The following LPIN2 variants were observed in gnomAD, a reference collection of about 807,000 sequenced individuals.
LPIN2 encodes the protein phosphatidate phosphatase LPIN2.
Under a neutral mutation model 111.4 loss-of-function variants are expected in LPIN2, and 55 were observed. The ratio of observed to expected loss-of-function variants is 0.49; its 90% confidence interval spans 0.40 to 0.62. The LOEUF (loss-of-function observed/expected upper bound fraction) is 0.62, where lower values mean the gene tolerates loss of function less well. LPIN2 is among the 20% of genes least tolerant of loss of function. The probability of loss-of-function intolerance (pLI) is 0.00; values close to 1 mark genes in which losing one functional copy is unlikely to be tolerated. For missense variants in LPIN2, 992 were observed against 1,112.1 expected (o/e 0.89, Z 1.54); for synonymous variants, 425 against 414.0 (o/e 1.03, Z -0.32).
chr18:2,920,185 C>G lies in LPIN2; in HGVS notation c.*108G>C. Reference sequence around the variant, plus strand: ...GATGGCGGGACCAGCTCCAGAAGCACCCGTCCCCGCTGGGGAAGGCTGGTA... The same window carrying G: ...GATGGCGGGACCAGCTCCAGAAGCAGCCGTCCCCGCTGGGGAAGGCTGGTA... On this transcript the variant is annotated 3_prime_UTR_variant, in exon 20 of 20. Coordinates refer to ENST00000677752, the MANE Select transcript of LPIN2 (RefSeq NM_001375808.2). 6.8e-7 allele frequency: 1 copy of G among 1,470,662 alleles called. No individual in the cohort carries two copies. Among genetic ancestry groups the G allele is most frequent in the Middle Eastern group, 2.3e-4 (1 of 4,282 alleles). The allele number at this position is 1,470,662 out of a possible 1,614,324, so 91.1% of individuals were successfully genotyped here. A position where few individuals can be genotyped will look rare whatever the true frequency, so the allele number is the denominator to read the frequency against.
intron 7 of LPIN2, 77 bp from the exon 8 acceptor site, chr18:2,934,527 A>T: frequency 1.1e-6 from 1 of 904,050 alleles, no homozygotes; most frequent in Non-Finnish European, 1.8e-6. Flanking sequence ...GCACGTTTGC[A>T]AACAGTAAGA....
At chr18:2,973,367 C>A (rs1203243620) in intron 1 of LPIN2, among the ~76,000 whole-genome samples, 1 of 152,174 alleles carries the variant, frequency 6.6e-6, no homozygotes, top group African/African-American at 2.4e-5. Flanking sequence ...TCTTCCCCAC[C>A]CATGCCAATC....
rs751499472 is a variant in LPIN2, at chr18:2,924,378, A to T, written c.2087+20T>A. 1 of 1,614,008 alleles carries T rather than the reference A, an allele frequency of 6.2e-7. No homozygotes were observed. The highest frequency in any genetic ancestry group is 2.2e-5 in the East Asian group (1 of 44,878). On this transcript the variant is annotated intron_variant, in intron 15 of 19. Coordinates refer to ENST00000677752, the MANE Select transcript of LPIN2 (RefSeq NM_001375808.2). ...AGCACGGGGCTGTTCCTTGCCACCC[A>T]CCTGAAGGATTGAGCTTACTTGGTT...
chr18:2,931,603 T>A (rs539898855), intron 8 of LPIN2, among the ~76,000 whole-genome samples, 160 bp from the exon 9 acceptor site: 2 of 152,308 alleles, frequency 1.3e-5, no homozygotes, highest in East Asian at 3.9e-4. Context: ...GGGTTTAGAA[T>A]CATATCATAA....
At chr18:2,981,542 A>C (rs1272361989) in intron 1 of LPIN2, among the ~76,000 whole-genome samples, 1 of 152,224 alleles carries the variant, frequency 6.6e-6, no homozygotes, top group Non-Finnish European at 1.5e-5. Context: ...TTAATATATG[A>C]ATGTTTAAAG....
intron 1 of LPIN2, among the ~76,000 whole-genome samples, chr18:3,008,048 C>A (rs16973300): frequency 0.045 from 6,823 of 152,246 alleles, 497 homozygotes; most frequent in African/African-American, 0.15. Flanking sequence ...GTATATAAAA[C>A]GTCTTCTAGG....
intron 1 of LPIN2, among the ~76,000 whole-genome samples, chr18:2,984,400 A>G (rs1406464907): frequency 2.6e-5 from 4 of 152,156 alleles, no homozygotes; most frequent in Admixed American, 6.5e-5. Context: ...ATTTTATGCA[A>G]TGAATAAAAA....
At chr18:2,951,416 G>A in intron 3 of LPIN2, 60 bp from the exon 4 acceptor site, 1 of 1,351,352 alleles carries the variant, frequency 7.4e-7, no homozygotes, top group Non-Finnish European at 1.0e-6. Context: ...AATTAAAGCA[G>A]TAATATTTTG....
chr18:2,924,392 G>A lies in LPIN2; in HGVS notation c.2087+6C>T, dbSNP rs757282199. 1 of 1,613,960 alleles carries A rather than the reference G, an allele frequency of 6.2e-7. No homozygotes were observed. Among genetic ancestry groups the A allele is most frequent in the Admixed American group, 1.7e-5 (1 of 60,010 alleles). On this transcript the variant is annotated splice_donor_region_variant and intron_variant, in intron 15 of 19. Transcript: ENST00000677752. ...CCTTGCCACCCACCTGAAGGATTGAGCTTACTTGGTTATTGTCCCATCAAT... is the reference window on the plus strand; with the variant it reads ...CCTTGCCACCCACCTGAAGGATTGAACTTACTTGGTTATTGTCCCATCAAT...
intron 1 of LPIN2, among the ~76,000 whole-genome samples, chr18:2,989,237 A>G (rs1156984743): frequency 2.6e-5 from 4 of 152,222 alleles, no homozygotes; most frequent in Non-Finnish European, 5.9e-5. Context: ...TCTTAGACTC[A>G]TTATTTAAGC....
chr18:2,942,357 A>C (rs990505182), intron 4 of LPIN2, among the ~76,000 whole-genome samples: 1 of 152,224 alleles, frequency 6.6e-6, no homozygotes, highest in African/African-American at 2.4e-5. Flanking sequence ...AGGGAAAATC[A>C]GGTTTGTGAA....
chr18:2,957,886 C>T (rs2077636601), intron 2 of LPIN2, among the ~76,000 whole-genome samples: 1 of 151,906 alleles, frequency 6.6e-6, no homozygotes, highest in East Asian at 1.9e-4. Context: ...CGTGGTGGCT[C>T]ACACCTGTAA....
At chr18:3,008,507 A>T (rs1323886404) in intron 1 of LPIN2, among the ~76,000 whole-genome samples, 1 of 152,242 alleles carries the variant, frequency 6.6e-6, no homozygotes, top group African/African-American at 2.4e-5. Context: ...TTTCAGAAAT[A>T]GGTAAATGCA....
intron 1 of LPIN2, among the ~76,000 whole-genome samples, chr18:2,983,927 GC>G (rs1263547401): frequency 6.6e-6 from 1 of 152,070 alleles, no homozygotes; most frequent in Non-Finnish European, 1.5e-5. Flanking sequence ...TGGGGAAAAG[GC>G]CATTCAGGCA....
rs543346494 is a variant in LPIN2 at position 2,960,988 on chromosome 18, A to G, written c.-9-139T>C. The G allele has an allele frequency of 3.6e-5, 27 of 754,076 alleles. No homozygotes were observed. In the East Asian group the frequency reaches 6.7e-4, roughly 19 times the overall value. The allele number at this position is 754,076 out of a possible 1,614,324, so 46.7% of individuals were successfully genotyped here. A position where few individuals can be genotyped will look rare whatever the true frequency, so the allele number is the denominator to read the frequency against. ...CATTAGCCTTATTAATTTTCAACCT[A>G]ACAGTCTCATGCTACCATTGTTTCT... On this transcript the variant is annotated intron_variant, in intron 1 of 19. Coordinates refer to ENST00000677752, the MANE Select transcript of LPIN2 (RefSeq NM_001375808.2).
chr18:2,947,275 T>C (rs1424754974), intron 4 of LPIN2, among the ~76,000 whole-genome samples: 1 of 151,780 alleles, frequency 6.6e-6, no homozygotes, highest in Non-Finnish European at 1.5e-5. Flanking sequence ...CACTCAAGAT[T>C]ATGCTAGAAC....
rs573864766 is a variant in LPIN2, at chr18:2,918,634, C to G, written c.*1659G>C. ...GGAGAAGGCTCATGTGGTCCCTTCT[C>G]TGGGAACATGAGCCTTCCTAGGTTT... On this transcript the variant is annotated 3_prime_UTR_variant, in exon 20 of 20. Coordinates refer to ENST00000677752, the MANE Select transcript of LPIN2 (RefSeq NM_001375808.2). The G allele has an allele frequency of 6.6e-6, 1 of 152,312 alleles. No individual in the cohort carries two copies. The highest frequency in any genetic ancestry group is 2.1e-4 in the South Asian group (1 of 4,830). The allele number at this position is 152,312 out of a possible 1,614,324, so 9.4% of individuals were successfully genotyped here.
chr18:2,954,660 AC>A, intron 2 of LPIN2, 61 bp from the exon 3 acceptor site: 3 of 1,166,090 alleles, frequency 2.6e-6, no homozygotes, highest in Non-Finnish European at 3.9e-6. Flanking sequence ...GTTAAACTAA[AC>A]CAGAACTCTG....
Position 2,925,458 on chromosome 18 carries a change from C to T in LPIN2, c.1794-90G>A. The T allele has an allele frequency of 6.5e-7, 1 of 1,546,042 alleles. No homozygotes were observed. The highest frequency in any genetic ancestry group is 8.9e-7 in the Non-Finnish European group (1 of 1,123,480). On this transcript the variant is annotated intron_variant, in intron 13 of 19. Transcript: ENST00000677752. This position sits in a 1 kb window ranked among gnomAD's most constrained non-coding sequence, Gnocchi z 4.1. Reference sequence around the variant, plus strand: ...TTAGGATCAAGAAAATAAAGATATCCTAAATCTTTTCTAGGAATGGGTAGA... The same window carrying T: ...TTAGGATCAAGAAAATAAAGATATCTTAAATCTTTTCTAGGAATGGGTAGA...
Sources: gnomAD v4.1 joint callset for allele counts (sites outside exome capture counted in the v4.1 genomes callset) on GRCh38, gnomAD v4.1.1 for gene constraint, Gnocchi (gnomAD v3.1) non-coding constraint, MANE v1.5 for transcripts, NCBI Gene and HGNC (gene_info 2026-07-23, HGNC 2026-07-21) for gene names.